COBL: variants seen among roughly 807,000 people sequenced by gnomAD.
The protein encoded by COBL is protein cordon-bleu.
In COBL, 51 loss-of-function variants were observed where a neutral mutation model predicts 98.8. The ratio of observed to expected loss-of-function variants is 0.52; its 90% CI spans 0.41 to 0.65. The LOEUF is 0.65. Among genes scored for constraint, COBL ranks in the 30% least tolerant of loss-of-function variants. The pLI is 0.00. For synonymous variants in COBL, 634 were observed against 651.7 expected, an observed-to-expected ratio of 0.97 and a Z score of 0.41; for missense variants, 1,617 against 1,617.5, an observed-to-expected ratio of 1.00 and a Z score of 0.01.
At position 51,190,977 on chromosome 7, in the gene COBL, T is replaced by C. The variant is rs1790057900; in HGVS notation, c.558A>G (p.Ala186=). ...PLQNILPVIC[A]KCEVSPEHVV... is the part of the protein sequence containing the mutation. ...CGTGCTCTGGGCTGACCTCACACTT[T>C]GCACAAATGACTGGGAGAATATTCT... Residue 186 remains alanine (A), a synonymous_variant, in exon 4 of 13, where the codon GCA becomes GCG. Coordinates refer to ENST00000265136, the MANE Select transcript of COBL (RefSeq NM_015198.5). The C allele has an allele frequency of 1.2e-6, 2 of 1,614,166 alleles. No individual in the cohort carries two copies. Among genetic ancestry groups the C allele is most frequent in the Non-Finnish European group, 1.7e-6 (2 of 1,180,044 alleles).
At chr7:51,279,099 C>T (rs978715586) in intron 1 of COBL, among the ~76,000 whole-genome samples, 3 of 152,262 alleles carry the variant, frequency 2.0e-5, no homozygotes, top group Admixed American at 6.5e-5. Flanking sequence ...AATCCTATGG[C>T]TTGGCTTTCT....
At chr7:51,062,403 G>A (rs1329465322) in intron 7 of COBL, among the ~76,000 whole-genome samples, 1 of 151,618 alleles carries the variant, frequency 6.6e-6, no homozygotes, top group Non-Finnish European at 1.5e-5. Flanking sequence ...CAGCCCCTGA[G>A]TCACAGCATG....
chr7:51,028,697 G>A lies in COBL; in HGVS notation c.2399C>T (p.Thr800Met), dbSNP rs138368516. The change falls in exon 10 of 13, where the codon ACG becomes ATG. Residue 800 changes from threonine (T) to methionine (M), a missense_variant. Thr to Met is a moderately conservative substitution (Grantham distance 81). This residue lies in a region of COBL where 1,304 missense variants were observed against 1,282.0 expected (regional missense o/e 1.02). Coordinates refer to ENST00000265136, the MANE Select transcript of COBL (RefSeq NM_015198.5). The stretch of plus-strand genomic sequence containing the variant: ...TTGGAGTCTGCTCTCTGGATTCTGC[G>A]TCTGCGTGGGCACAGGGGTGGAGGG... ...GPPSTPVPTQ[T>M]QNPESRLQAD... 4.4e-4 allele frequency: 716 copies of A among 1,613,560 alleles called. 4 individuals carry two copies. The African/African-American group carries it at 8.2e-3, about 18-fold the overall frequency.
chr7:51,132,108 A>G (rs568184209), intron 6 of COBL, among the ~76,000 whole-genome samples: 17 of 152,354 alleles, frequency 1.1e-4, no homozygotes, highest in Admixed American at 8.5e-4. Context: ...TGGTATTTGC[A>G]GCAACAGCAA....
chr7:51,061,946 T>TACACACACACACACACACACACAC (rs1395412693), intron 7 of COBL, among the ~76,000 whole-genome samples: 1 of 96,058 alleles, frequency 1.0e-5, no homozygotes. Context: ...CTCCCCACCA[T>TACACACACACACACACACACACAC]AGATACACAC....
intron 7 of COBL, among the ~76,000 whole-genome samples, chr7:51,050,172 T>C (rs1351100500): frequency 2.0e-5 from 3 of 152,200 alleles, no homozygotes; most frequent in Non-Finnish European, 2.9e-5. Flanking sequence ...GGCAAGATAA[T>C]GAAGGACTGA....
At chr7:51,105,180 G>A (rs1256808828) in intron 6 of COBL, among the ~76,000 whole-genome samples, 2 of 151,608 alleles carry the variant, frequency 1.3e-5, no homozygotes, top group Admixed American at 6.6e-5. Flanking sequence ...CCTACAAGAC[G>A]CCCGATCTTC....
At chr7:51,061,265 T>C (rs1179856301) in intron 7 of COBL, among the ~76,000 whole-genome samples, 1 of 152,200 alleles carries the variant, frequency 6.6e-6, no homozygotes, top group African/African-American at 2.4e-5. Flanking sequence ...TATATATACA[T>C]ATAAATATCT....
chr7:51,260,256 A>C (rs1797599825), intron 1 of COBL: 1 of 506,408 alleles, frequency 2.0e-6, no homozygotes. Context: ...ACTATTTTTA[A>C]AGACCTAAAA....
chr7:51,149,726 C>T (rs911088170), intron 5 of COBL, among the ~76,000 whole-genome samples: 3 of 152,174 alleles, frequency 2.0e-5, no homozygotes, highest in Non-Finnish European at 4.4e-5. Context: ...CCTGCCTCAG[C>T]CTCTGAGTAG....
chr7:51,032,323 A>G (rs976549091), intron 8 of COBL: 1 of 152,252 alleles, frequency 6.6e-6, no homozygotes, highest in Non-Finnish European at 1.5e-5. Flanking sequence ...ACTGCTGCCA[A>G]AACAATTTAA....
At chr7:51,220,779 C>T (rs1793557957) in intron 1 of COBL, among the ~76,000 whole-genome samples, 1 of 152,152 alleles carries the variant, frequency 6.6e-6, no homozygotes, top group South Asian at 2.1e-4. Flanking sequence ...TTTCAATCCT[C>T]ACCCTCCTCC....
intron 12 of COBL, among the ~76,000 whole-genome samples, chr7:51,023,497 A>G (rs1195545524): frequency 6.6e-6 from 1 of 152,152 alleles, no homozygotes. Context: ...ACACTGGGAC[A>G]AGCTCTGGGG....
At chr7:51,092,123 T>G (rs1794866625) in intron 6 of COBL, among the ~76,000 whole-genome samples, 1 of 152,178 alleles carries the variant, frequency 6.6e-6, no homozygotes, top group Non-Finnish European at 1.5e-5. Flanking sequence ...GCAAACCCTA[T>G]TGTGAACTGT....
At chr7:51,209,505 C>A (rs1430509307) in intron 2 of COBL, among the ~76,000 whole-genome samples, 3 of 152,294 alleles carry the variant, frequency 2.0e-5, no homozygotes, top group Admixed American at 6.5e-5. Context: ...TGGGTAAAAA[C>A]CTTCAACTCA....
intron 1 of COBL, among the ~76,000 whole-genome samples, chr7:51,276,687 C>G (rs193160352): frequency 6.6e-6 from 1 of 152,314 alleles, no homozygotes; most frequent in Admixed American, 6.5e-5. Context: ...TGGCTGGGAG[C>G]TGCAGCTGTG....
chr7:51,018,908 ATATATATATATATATATAT>A lies in COBL; in HGVS notation c.3769-1359_3769-1341del, dbSNP rs1786614983. On this transcript the variant is annotated intron_variant, in intron 12 of 12. Transcript: ENST00000265136. ...CTCCATCTCAAAAAAAAAAAAAAAT[ATATATATATATATATATAT>A]ATATATATATATATATATATATATA... 1.4e-3 allele frequency among the ~76,000 whole-genome samples: 41 copies of A among 30,260 alleles called. 5 individuals carry two copies. Among genetic ancestry groups the A allele is most frequent in the African/African-American group, 4.3e-3 (33 of 7,642 alleles). 19.9% of individuals were successfully genotyped at this position (30,260 alleles called of 152,430 possible).
chr7:51,296,032 T>A (rs188771199), intron 1 of COBL, among the ~76,000 whole-genome samples: 130 of 152,196 alleles, frequency 8.5e-4, no homozygotes, highest in Non-Finnish European at 1.7e-3. Context: ...TAAACCTGAC[T>A]TATCTAAGCC....
intron 11 of COBL, among the ~76,000 whole-genome samples, chr7:51,026,143 A>G (rs1787529327): frequency 2.0e-5 from 3 of 152,244 alleles, no homozygotes; most frequent in Non-Finnish European, 4.4e-5. Flanking sequence ...ACTGGCTCCC[A>G]AGGATGTGCA....
Sources: allele counts gnomAD v4.1 joint callset (sites outside exome capture counted in the v4.1 genomes callset), GRCh38; gene constraint gnomAD v4.1.1; regional missense constraint gnomAD v4.1.1; transcripts MANE v1.5; gene names NCBI Gene and HGNC (gene_info 2026-07-23, HGNC 2026-07-21).